The following KCND3 variants were observed in gnomAD, a reference collection of about 807,000 sequenced individuals.
KCND3 encodes the protein potassium voltage-gated channel subfamily D member 3.
A neutral mutation model predicts 51.1 loss-of-function variants in KCND3; 9 were observed. The ratio of observed to expected loss-of-function variants is 0.18; its 90% CI spans 0.11 to 0.31. The LOEUF (loss-of-function observed/expected upper bound fraction) is 0.31, where lower values mean the gene tolerates loss of function less well. Among genes scored for constraint, KCND3 ranks in the 10% least tolerant of loss-of-function variants. The probability of loss-of-function intolerance (pLI) is 1.00; values close to 1 mark genes in which losing one functional copy is unlikely to be tolerated. For synonymous variants in KCND3, 349 were observed against 368.0 expected (o/e 0.95, Z 0.59); for missense variants, 526 against 903.8 (o/e 0.58, Z 5.36).
intron 2 of KCND3, among the ~76,000 whole-genome samples, chr1:111,821,865 T>TAC (rs1666363112): frequency 6.6e-6 from 1 of 151,866 alleles, no homozygotes; most frequent in Non-Finnish European, 1.5e-5. Flanking sequence ...GCTCTGAGGG[T>TAC]GTGTGTGTGT....
chr1:111,811,879 A>G (rs1665867337), intron 2 of KCND3, among the ~76,000 whole-genome samples: 1 of 152,142 alleles, frequency 6.6e-6, no homozygotes, highest in Non-Finnish European at 1.5e-5. Flanking sequence ...AGACATTTCT[A>G]TTTCTTTTTC....
Position 111,904,888 on chromosome 1 carries a change from G to A in KCND3, c.1106+76733C>T, listed in dbSNP as rs1031027630. ...AGGATGCACTTGGGCCACCACCCTC[G>A]GGGGCTCCCAGCTGGCCAAGCAGGG... is the stretch of plus-strand genomic sequence containing the variant. On this transcript the variant is annotated intron_variant, in intron 2 of 7. Coordinates refer to ENST00000302127, the MANE Select transcript of KCND3 (RefSeq NM_001378969.1). Among the ~76,000 whole-genome samples, 4 of 152,146 alleles carry A rather than the reference G, an allele frequency of 2.6e-5. No individual in the cohort carries two copies. In the South Asian group the frequency reaches 6.2e-4, roughly 24 times the overall value.
chr1:111,972,037 C>T (rs987053258), intron 2 of KCND3, among the ~76,000 whole-genome samples: 3 of 152,210 alleles, frequency 2.0e-5, no homozygotes, highest in African/African-American at 4.8e-5. Context: ...CTGATCAATA[C>T]ACACTGGACT....
At chr1:111,876,213 A>G (rs1669042360) in intron 2 of KCND3, among the ~76,000 whole-genome samples, 1 of 152,254 alleles carries the variant, frequency 6.6e-6, no homozygotes, top group African/African-American at 2.4e-5. Context: ...GCATTTGGGC[A>G]AGTCCCTTCA....
At chr1:111,972,364 G>A (rs1304185195) in intron 2 of KCND3, among the ~76,000 whole-genome samples, 10 of 151,634 alleles carry the variant, frequency 6.6e-5, no homozygotes, top group African/African-American at 2.4e-4. Context: ...AGTAGAGACG[G>A]GGTTTCACCG....
At chr1:111,878,381 A>T (rs1049738533) in intron 2 of KCND3, among the ~76,000 whole-genome samples, 5 of 152,194 alleles carry the variant, frequency 3.3e-5, no homozygotes, top group Non-Finnish European at 5.9e-5. Context: ...CAGGGGAGAC[A>T]TGGGGACTCT....
chr1:111,983,532 T>C (rs1310092353), intron 1 of KCND3, among the ~76,000 whole-genome samples: 1 of 152,136 alleles, frequency 6.6e-6, no homozygotes, highest in African/African-American at 2.4e-5. Context: ...GGAAGGGTTG[T>C]GAGGCTGGGC....
chr1:111,833,124 C>T (rs1342239550), intron 2 of KCND3, among the ~76,000 whole-genome samples: 1 of 152,218 alleles, frequency 6.6e-6, no homozygotes, highest in African/African-American at 2.4e-5. Flanking sequence ...TTCTTTTTGC[C>T]AGTTTTGACA....
chr1:111,924,903 T>C (rs918251170), intron 2 of KCND3, among the ~76,000 whole-genome samples: 1 of 152,254 alleles, frequency 6.6e-6, no homozygotes, highest in African/African-American at 2.4e-5. Flanking sequence ...GTGTATCCAC[T>C]CTGTAAGTGA....
At chr1:111,898,403 G>A (rs547844631) in intron 2 of KCND3, among the ~76,000 whole-genome samples, 4 of 152,272 alleles carry the variant, frequency 2.6e-5, no homozygotes, top group African/African-American at 9.6e-5. Flanking sequence ...CACATGTGCA[G>A]TACTCAAAAA....
At chr1:111,824,119 CAA>C (rs34971055) in intron 2 of KCND3, among the ~76,000 whole-genome samples, 1,260 of 118,882 alleles carry the variant, frequency 0.011, 18 homozygotes, top group African/African-American at 0.033. Flanking sequence ...TCTCCAACTC[CAA>C]AAAAAAAAAA....
At chr1:111,922,459 C>T (rs146037521) in intron 2 of KCND3, among the ~76,000 whole-genome samples, 144 of 152,302 alleles carry the variant, frequency 9.5e-4, no homozygotes, top group Non-Finnish European at 1.1e-3. Context: ...CAAATGTTTA[C>T]GGAGTACAGT....
intron 2 of KCND3, among the ~76,000 whole-genome samples, chr1:111,893,144 G>A (rs1296496727): frequency 1.3e-5 from 2 of 152,248 alleles, no homozygotes; most frequent in Non-Finnish European, 2.9e-5. Flanking sequence ...CAGTCCAGAA[G>A]TGGGAGATAG....
chr1:111,958,480 G>A (rs1673454916), intron 2 of KCND3, among the ~76,000 whole-genome samples: 1 of 152,214 alleles, frequency 6.6e-6, no homozygotes, highest in Non-Finnish European at 1.5e-5. Context: ...TCTGATGTAT[G>A]ACCAGAGCAG....
chr1:111,815,667 G>C (rs533951777), intron 2 of KCND3, among the ~76,000 whole-genome samples: 1 of 151,288 alleles, frequency 6.6e-6, no homozygotes, highest in African/African-American at 2.4e-5. Context: ...CTATAAATTC[G>C]CACTTCTTGT....
At chr1:111,854,960 T>G (rs78604315) in intron 2 of KCND3, among the ~76,000 whole-genome samples, 2,121 of 152,288 alleles carry the variant, frequency 0.014, 57 homozygotes, top group African/African-American at 0.048. Flanking sequence ...CCTGGGGACC[T>G]TCTACATCCC....
intron 2 of KCND3, among the ~76,000 whole-genome samples, chr1:111,950,485 C>A (rs973329993): frequency 4.6e-5 from 7 of 152,078 alleles, no homozygotes; most frequent in Non-Finnish European, 8.8e-5. Context: ...CGATCCAGCC[C>A]GCAGCACTGT....
intron 2 of KCND3, among the ~76,000 whole-genome samples, chr1:111,812,608 A>G (rs1460786257): frequency 1.3e-5 from 2 of 152,192 alleles, no homozygotes; most frequent in Non-Finnish European, 2.9e-5. Flanking sequence ...CGAGGGCCCA[A>G]TGTAGTAGGT....
intron 2 of KCND3, among the ~76,000 whole-genome samples, chr1:111,836,404 T>A (rs12129789): frequency 0.1 from 15,337 of 152,272 alleles, 1,325 homozygotes; most frequent in East Asian, 0.42. Flanking sequence ...GGCTCCGACT[T>A]TACAAAGAAT....
Sources: gnomAD v4.1 joint callset for allele counts (sites outside exome capture counted in the v4.1 genomes callset) on GRCh38, gnomAD v4.1.1 for gene constraint, MANE v1.5 for transcripts, NCBI Gene and HGNC (gene_info 2026-07-23, HGNC 2026-07-21) for gene names.